The following RELCH variants were observed in gnomAD, a reference collection of about 807,000 sequenced individuals.
The protein encoded by RELCH is RAB11 binding and LisH domain, coiled-coil and HEAT repeat containing.
Under a neutral mutation model 150.3 loss-of-function variants are expected in RELCH, and 41 were observed. The ratio of observed to expected loss-of-function variants is 0.27; its 90% CI spans 0.21 to 0.35. The LOEUF is 0.35. Ranked by LOEUF, RELCH falls within the 10% of genes least tolerant of loss-of-function variation. RELCH has a pLI of 1.00. For synonymous variants in RELCH, 478 were observed against 531.8 expected (o/e 0.90, Z 1.39); for missense variants, 1,092 against 1,467.8 (o/e 0.74, Z 4.18).
At chr18:62,222,492 G>T (rs1440978095) in intron 5 of RELCH, among the ~76,000 whole-genome samples, 1 of 151,830 alleles carries the variant, frequency 6.6e-6, no homozygotes, top group Admixed American at 6.6e-5. Flanking sequence ...CACAGAAAAA[G>T]AGGAAAAGAG....
intron 8 of RELCH, among the ~76,000 whole-genome samples, chr18:62,230,294 C>T (rs2148425755): frequency 6.6e-6 from 1 of 151,814 alleles, no homozygotes. Flanking sequence ...AAGACCCCAT[C>T]TCAAAAAAAA....
intron 20 of RELCH, among the ~76,000 whole-genome samples, chr18:62,273,192 A>G (rs2044003703): frequency 1.3e-5 from 2 of 151,972 alleles, no homozygotes; most frequent in Non-Finnish European, 2.9e-5. Context: ...TCCCATATAC[A>G]TTTAGGTTAA....
Position 62,228,387 on chromosome 18 carries a change from C to T in RELCH, c.1237C>T (p.His413Tyr). 1.2e-6 allele frequency: 2 copies of T among 1,613,248 alleles called. No homozygotes were observed. The highest frequency in any genetic ancestry group is 1.7e-6 in the Non-Finnish European group (2 of 1,179,516). Residue 413 changes from histidine (H) to tyrosine (Y), a missense_variant, in exon 8 of 29, where the codon CAC becomes TAC. Coordinates refer to ENST00000644646, the MANE Select transcript of RELCH (RefSeq NM_001346231.2). ...SVQPPLDQLP[H>Y]KDSEDSGQHP... ...TCAGCCTCCTTTGGATCAGTTGCCC[C>T]ACAAAGACTCTGAGGACAGTGGACA...
intron 2 of RELCH, among the ~76,000 whole-genome samples, chr18:62,219,343 A>G (rs1361925656): frequency 1.8e-5 from 1 of 57,022 alleles, no homozygotes; most frequent in Non-Finnish European, 3.6e-5. Context: ...TTTTTTTTTC[A>G]TATTTCTATC....
intron 19 of RELCH, chr18:62,268,430 T>C (rs905481051): frequency 3.9e-5 from 6 of 152,766 alleles, no homozygotes; most frequent in African/African-American, 1.4e-4. Context: ...GCTCAGGAAC[T>C]CAGGCTAGTA....
At chr18:62,260,390 A>G (rs2043202618) in intron 15 of RELCH, among the ~76,000 whole-genome samples, 1 of 150,624 alleles carries the variant, frequency 6.6e-6, no homozygotes. Flanking sequence ...AAAAAAAAAA[A>G]GATGCTGGTC....
intron 2 of RELCH, among the ~76,000 whole-genome samples, chr18:62,213,729 C>CAAAA (rs5825484): frequency 0.045 from 3,588 of 79,918 alleles, 225 homozygotes; most frequent in Middle Eastern, 0.064. Context: ...GACTCAGTCT[C>CAAAA]AAAAAAAAAA....
intron 8 of RELCH, among the ~76,000 whole-genome samples, chr18:62,230,937 A>C (rs921151073): frequency 2.0e-5 from 3 of 152,032 alleles, no homozygotes; most frequent in Non-Finnish European, 4.4e-5. Context: ...TGATCCACTA[A>C]CTATAAATGC....
At chr18:62,216,331 G>T (rs1599867112) in intron 2 of RELCH, among the ~76,000 whole-genome samples, 3 of 151,992 alleles carry the variant, frequency 2.0e-5, no homozygotes, top group Non-Finnish European at 4.4e-5. Flanking sequence ...GTTGGAAATG[G>T]TAATAGAGAC....
intron 1 of RELCH, among the ~76,000 whole-genome samples, chr18:62,200,517 T>C (rs1054385386): frequency 2.6e-5 from 4 of 151,918 alleles, no homozygotes; most frequent in African/African-American, 4.8e-5. Context: ...CAGGAAAATA[T>C]AAATGTGAGT....
chr18:62,270,574 A>G (rs1333568884), intron 20 of RELCH, among the ~76,000 whole-genome samples: 1 of 152,092 alleles, frequency 6.6e-6, no homozygotes, highest in Non-Finnish European at 1.5e-5. Flanking sequence ...TTTACCCACT[A>G]CTAACTTATT....
At chr18:62,211,806 A>G (rs1169961226) in intron 2 of RELCH, among the ~76,000 whole-genome samples, 1 of 152,126 alleles carries the variant, frequency 6.6e-6, no homozygotes, top group African/African-American at 2.4e-5. Flanking sequence ...AATAAAATAA[A>G]AAGGTTAAAA....
Position 62,269,139 on chromosome 18 carries a change from A to G in RELCH, c.2760+191A>G, listed in dbSNP as rs2939415. Among the ~76,000 whole-genome samples the G allele has an allele frequency of 0.28, 42,763 of 152,058 alleles. 7,278 individuals carry two copies. The highest frequency in any genetic ancestry group is 0.59 in the East Asian group (3,036 of 5,170). ...CCTGAGTAAAACCTCAGTTGAACAA[A>G]TAAATTTAGAGATTATGAGCTTTTT... On this transcript the variant is annotated intron_variant, in intron 20 of 28. Coordinates refer to ENST00000644646, the MANE Select transcript of RELCH (RefSeq NM_001346231.2).
intron 24 of RELCH, 91 bp downstream of exon 24, chr18:62,280,800 C>A: frequency 1.2e-6 from 1 of 866,834 alleles, no homozygotes; most frequent in Non-Finnish European, 1.9e-6. Context: ...AGCATCTTAC[C>A]TTTTATTTTG....
chr18:62,293,110 T>C (rs2045236095), intron 27 of RELCH, among the ~76,000 whole-genome samples: 1 of 152,202 alleles, frequency 6.6e-6, no homozygotes, highest in African/African-American at 2.4e-5. Flanking sequence ...AACATCGTCT[T>C]TTCTTCCATG....
At chr18:62,263,957 C>T (rs561268167) in intron 16 of RELCH, 32 bp from the exon 17 acceptor site, 1 of 1,582,610 alleles carries the variant, frequency 6.3e-7, no homozygotes, top group Admixed American at 1.8e-5. Context: ...TGCCAATTTC[C>T]ATATGATTTA....
intron 5 of RELCH, among the ~76,000 whole-genome samples, chr18:62,222,275 G>A (rs2148379323): frequency 6.6e-6 from 1 of 151,930 alleles, no homozygotes; most frequent in African/African-American, 2.4e-5. Context: ...AAAATTAAAT[G>A]CAATAAGTAT....
intron 1 of RELCH, among the ~76,000 whole-genome samples, chr18:62,205,744 G>C (rs1353924616): frequency 6.6e-6 from 1 of 152,176 alleles, no homozygotes; most frequent in Non-Finnish European, 1.5e-5. Context: ...CTTAAATTGG[G>C]CTGGGTGTGG....
intron 2 of RELCH, among the ~76,000 whole-genome samples, chr18:62,218,628 A>T (rs1568330593): frequency 6.6e-6 from 1 of 151,968 alleles, no homozygotes; most frequent in Non-Finnish European, 1.5e-5. Context: ...GGAGTTGCTT[A>T]TACTGACTTT....
Sources: allele counts gnomAD v4.1 joint callset (sites outside exome capture counted in the v4.1 genomes callset), GRCh38; gene constraint gnomAD v4.1.1; transcripts MANE v1.5; gene names NCBI Gene and HGNC (gene_info 2026-07-23, HGNC 2026-07-21).